Variants in NUGGC observed in about 807,000 individuals in gnomAD.
NUGGC encodes nuclear GTPase SLIP-GC.
NUGGC carries 58 observed loss-of-function variants against 92.6 expected under a neutral mutation model. The observed-to-expected ratio is 0.63, with a 90% confidence interval of 0.51 to 0.78. The LOEUF is 0.78. Among genes scored for constraint, NUGGC ranks in the 30% least tolerant of loss-of-function variants. NUGGC has a pLI of 0.00. For missense variants in NUGGC, 925 were observed against 964.6 expected, an observed-to-expected ratio of 0.96 and a Z score of 0.54; for synonymous variants, 376 against 366.4, an observed-to-expected ratio of 1.03 and a Z score of -0.30.
chr8:28,058,000 T>C (rs1370193002), intron 9 of NUGGC, among the ~76,000 whole-genome samples: 1 of 152,150 alleles, frequency 6.6e-6, no homozygotes, highest in Non-Finnish European at 1.5e-5. Context: ...AAAACCAGCC[T>C]GGCCAACGTG....
In NUGGC at chr8:28,068,882, G is replaced by A. The variant is rs186126767; in HGVS notation, c.258-444C>T. On this transcript the variant is annotated intron_variant, in intron 4 of 18. Transcript: ENST00000413272. ...CTCTGAAGTAGCTGGAACTACAGGC[G>A]TGCTCCATGACGCCTGGCTAATTTT... 3.1e-3 allele frequency among the ~76,000 whole-genome samples: 468 copies of A among 152,200 alleles called. 1 individual carries two copies. Among genetic ancestry groups the A allele is most frequent in the Non-Finnish European group, 4.2e-3 (289 of 68,016 alleles).
chr8:28,058,243 C>A lies in NUGGC; in HGVS notation c.1116+15G>T, dbSNP rs1390489385. On this transcript the variant is annotated intron_variant, in intron 9 of 18. Coordinates refer to ENST00000413272, the MANE Select transcript of NUGGC (RefSeq NM_001010906.2). The stretch of plus-strand genomic sequence containing the variant: ...AATTTAAAAATAAAAATAAAAAAAA[C>A]TAGTTCATACTTACATTTCCTGCCT... The A allele has an allele frequency of 2.2e-6, 1 of 462,058 alleles. No individual in the cohort carries two copies. The highest frequency in any genetic ancestry group is 3.4e-6 in the Non-Finnish European group (1 of 290,862). 28.6% of individuals were successfully genotyped at this position (462,058 alleles called of 1,614,324 possible).
Position 28,064,636 on chromosome 8 carries a change from G to A in NUGGC, c.807C>T (p.Ile269=). The A allele has an allele frequency of 6.2e-7, 1 of 1,614,010 alleles. No homozygotes were observed. The highest frequency in any genetic ancestry group is 8.5e-7 in the Non-Finnish European group (1 of 1,179,898). Residue 269 remains isoleucine (I), a synonymous_variant, in exon 7 of 19, where the codon ATC becomes ATT. Transcript: ENST00000413272. ...TGGGAAGTGTCACTTCCACATGTTT[G>A]ATCAAGGGCCAGATGCGCATCTCAG... ...EAAEMRIWPL[I]KHVEVTLPKS...
intron 6 of NUGGC, among the ~76,000 whole-genome samples, chr8:28,067,182 T>C (rs904536292): frequency 6.6e-6 from 1 of 152,122 alleles, no homozygotes; most frequent in South Asian, 2.1e-4. Flanking sequence ...CCAAACCTCT[T>C]ACATGAGAAA....
intron 12 of NUGGC, 143 bp from the exon 13 acceptor site, chr8:28,041,358 A>T: frequency 1.3e-6 from 1 of 795,684 alleles, no homozygotes; most frequent in South Asian, 1.8e-5. Flanking sequence ...TCCCCATAAG[A>T]CCTCACTCAG....
At chr8:28,054,935 C>T (rs1810095346) in intron 10 of NUGGC, among the ~76,000 whole-genome samples, 1 of 151,960 alleles carries the variant, frequency 6.6e-6, no homozygotes, top group Non-Finnish European at 1.5e-5. Context: ...GCCTGTAATC[C>T]CAGCATTTTG....
intron 8 of NUGGC, among the ~76,000 whole-genome samples, chr8:28,059,786 C>T (rs1396081877): frequency 6.6e-6 from 1 of 152,142 alleles, no homozygotes. Context: ...CTTTGGGAGG[C>T]CAAGGCGGGC....
chr8:28,038,342 T>C (rs1809608934), intron 13 of NUGGC, among the ~76,000 whole-genome samples: 1 of 152,228 alleles, frequency 6.6e-6, no homozygotes, highest in Non-Finnish European at 1.5e-5. Flanking sequence ...TTTCTATCCC[T>C]GAAAACTAAT....
At chr8:28,025,990 A>G (rs1045070182) in intron 18 of NUGGC, among the ~76,000 whole-genome samples, 4 of 152,160 alleles carry the variant, frequency 2.6e-5, no homozygotes, top group Non-Finnish European at 4.4e-5. Context: ...AAACATATAC[A>G]TATGTATTTC....
chr8:28,052,155 C>T (rs1205875772), intron 10 of NUGGC, among the ~76,000 whole-genome samples: 1 of 152,162 alleles, frequency 6.6e-6, no homozygotes, highest in Non-Finnish European at 1.5e-5. Flanking sequence ...ACATTGTGAT[C>T]CCCAATCTTC....
chr8:28,025,770 C>A (rs969657940), intron 18 of NUGGC, among the ~76,000 whole-genome samples: 1 of 152,190 alleles, frequency 6.6e-6, no homozygotes, highest in African/African-American at 2.4e-5. Flanking sequence ...GCTCTGTCTA[C>A]TTTCACCCTG....
chr8:28,074,160 T>C lies in NUGGC; in HGVS notation c.43+208A>G, dbSNP rs191189979. On this transcript the variant is annotated intron_variant, in intron 2 of 18. Transcript: ENST00000413272. ...ACTTATTTAACTGCTGGCCAAACAGTTCACTTCATTATGAACAGGTTATTT... is the reference window on the plus strand; with the variant it reads ...ACTTATTTAACTGCTGGCCAAACAGCTCACTTCATTATGAACAGGTTATTT... 2.6e-4 allele frequency among the ~76,000 whole-genome samples: 39 copies of C among 152,166 alleles called. No homozygotes were observed. The East Asian group carries it at 6.4e-3, about 25-fold the overall frequency.
chr8:28,082,139 G>C (rs1810866491), intron 1 of NUGGC, among the ~76,000 whole-genome samples: 1 of 152,152 alleles, frequency 6.6e-6, no homozygotes, highest in South Asian at 2.1e-4. Context: ...AAACACATTA[G>C]CTCAGAAGCA....
At chr8:28,068,514 G>T in intron 4 of NUGGC, 76 bp from the exon 5 acceptor site, 1 of 1,025,496 alleles carries the variant, frequency 9.8e-7, no homozygotes, top group Non-Finnish European at 1.5e-6. Context: ...GAATGCAAAG[G>T]AACTGAATTC....
In NUGGC at chr8:28,022,863, G is replaced by C. The variant is rs1296412442; in HGVS notation, c.*454C>G. On this transcript the variant is annotated 3_prime_UTR_variant, in exon 19 of 19. Transcript: ENST00000413272. The stretch of plus-strand genomic sequence containing the variant: ...AGAGATGGGTGGATCACGAGGTCAG[G>C]AGTTCAGGACCAGCCTGGCCAAGAT... 2 of 153,394 alleles carry C rather than the reference G, an allele frequency of 1.3e-5. No homozygotes were observed. Among genetic ancestry groups the C allele is most frequent in the African/African-American group, 2.4e-5 (1 of 41,444 alleles). 9.5% of individuals were successfully genotyped at this position (153,394 alleles called of 1,614,324 possible).
intron 13 of NUGGC, among the ~76,000 whole-genome samples, 182 bp downstream of exon 13, chr8:28,040,869 T>A (rs1257905114): frequency 6.6e-6 from 1 of 152,128 alleles, no homozygotes; most frequent in Non-Finnish European, 1.5e-5. Context: ...ATGGTCTTGA[T>A]CTCCTGACCT....
At chr8:28,071,526 A>G (rs1810590416) in intron 2 of NUGGC, among the ~76,000 whole-genome samples, 2 of 152,220 alleles carry the variant, frequency 1.3e-5, no homozygotes, top group Admixed American at 1.3e-4. Context: ...AGACATCAGC[A>G]GTTGCTTCCT....
intron 14 of NUGGC, among the ~76,000 whole-genome samples, chr8:28,032,224 C>T (rs570231928): frequency 6.6e-6 from 1 of 151,656 alleles, no homozygotes; most frequent in African/African-American, 2.4e-5. Context: ...GGGGTGCAAT[C>T]GATGGAATGG....
Position 28,067,521 on chromosome 8 carries a change from G to A in NUGGC, c.704C>T (p.Ala235Val), listed in dbSNP as rs764975324. 11 of 1,604,158 alleles carry A rather than the reference G, an allele frequency of 6.9e-6. No individual in the cohort carries two copies. Among genetic ancestry groups the A allele is most frequent in the Non-Finnish European group, 7.7e-6 (9 of 1,174,564 alleles). Residue 235 changes from alanine (A) to valine (V), a missense_variant, in exon 6 of 19, where the codon GCG (alanine) becomes GTG (valine). By Grantham distance (64) the Ala-to-Val change is moderately conservative. Transcript: ENST00000413272. ...AAACGAACTTGACGCTACCTCTTCC[G>A]CCTTGAGGGTGATGACTCTGGAGGT... ...IPTSRVITLK[A>V]EEAEELSIKL...
Sources: gnomAD v4.1 joint callset for allele counts (sites outside exome capture counted in the v4.1 genomes callset) on GRCh38, gnomAD v4.1.1 for gene constraint, MANE v1.5 for transcripts, NCBI Gene and HGNC (gene_info 2026-07-23, HGNC 2026-07-21) for gene names.